The following DCBLD2 variants were observed in gnomAD, a reference collection of about 807,000 sequenced individuals.
DCBLD2 encodes discoidin, CUB and LCCL domain containing 2.
In DCBLD2, 54 loss-of-function variants were observed where a neutral mutation model predicts 86.8. That is an observed-to-expected ratio of 0.62 (90% CI 0.50 to 0.78). The LOEUF (loss-of-function observed/expected upper bound fraction) is 0.78. DCBLD2 is among the 30% of genes least tolerant of loss of function. DCBLD2 has a pLI of 0.00. For synonymous variants in DCBLD2, 354 were observed against 341.3 expected, an observed-to-expected ratio of 1.04 and a Z score of -0.41; for missense variants, 908 against 954.2, an observed-to-expected ratio of 0.95 and a Z score of 0.64.
chr3:98,896,106 A>G (rs1230919422), intron 1 of DCBLD2, among the ~76,000 whole-genome samples: 6 of 152,358 alleles, frequency 3.9e-5, no homozygotes, highest in Middle Eastern at 3.4e-3. Context: ...GCAGCAAATC[A>G]AAGTTTTTCT....
rs373537370 is a variant in DCBLD2, at chr3:98,901,240, C to A, written c.87G>T (p.Ala29=). ...RAAAAAPAWA[A]LPLSRSLPPC... is the part of the protein sequence containing the mutation. The stretch of plus-strand genomic sequence containing the variant: ...GAGGGAGGGAGCGGGAGAGGGGGAG[C>A]GCGGCCCAGGCGGGGGCGGCGGCCG... The change falls in exon 1 of 16, where the codon GCG becomes GCT. Residue 29 remains alanine (A), a synonymous_variant. Transcript: ENST00000326840. 1.0e-3 allele frequency: 1,578 copies of A among 1,534,486 alleles called. 8 individuals carry two copies. The highest frequency in any genetic ancestry group is 7.3e-3 in the African/African-American group (532 of 73,084).
At chr3:98,833,468 T>C (rs1180968761) in intron 3 of DCBLD2, among the ~76,000 whole-genome samples, 3 of 152,230 alleles carry the variant, frequency 2.0e-5, no homozygotes, top group Non-Finnish European at 2.9e-5. Flanking sequence ...AGAACCCTCA[T>C]TGGTGAACTA....
At chr3:98,838,373 C>G (rs1297500872) in intron 3 of DCBLD2, among the ~76,000 whole-genome samples, 1 of 83,726 alleles carries the variant, frequency 1.2e-5, no homozygotes, top group African/African-American at 4.5e-5. Flanking sequence ...CAGACGGGGT[C>G]TCGGCCGGGC....
chr3:98,884,275 C>A (rs1382503832), intron 1 of DCBLD2, among the ~76,000 whole-genome samples: 1 of 151,846 alleles, frequency 6.6e-6, no homozygotes, highest in Non-Finnish European at 1.5e-5. Flanking sequence ...TCATTTCATA[C>A]ACAAGAACTA....
At chr3:98,845,988 TC>T (rs1180646765) in intron 3 of DCBLD2, among the ~76,000 whole-genome samples, 7 of 152,240 alleles carry the variant, frequency 4.6e-5, no homozygotes, top group African/African-American at 1.7e-4. Context: ...ATACTTTATT[TC>T]ATAGTTGCAA....
chr3:98,866,714 G>A (rs2107506310), intron 2 of DCBLD2, among the ~76,000 whole-genome samples: 1 of 152,250 alleles, frequency 6.6e-6, no homozygotes, highest in African/African-American at 2.4e-5. Flanking sequence ...AGTTTAATTA[G>A]ATCCCATTTG....
In DCBLD2 at chr3:98,894,930, C is replaced by T. The variant is rs571056298; in HGVS notation, c.205+6192G>A. On this transcript the variant is annotated intron_variant, in intron 1 of 15. Coordinates refer to ENST00000326840, the MANE Select transcript of DCBLD2 (RefSeq NM_080927.4). ...AGAATACAGTGTGGAATGTATTATC[C>T]GGAGATGAGTGTGTGGGGACTGTTC... 7.2e-5 allele frequency among the ~76,000 whole-genome samples: 11 copies of T among 151,890 alleles called. No individual in the cohort carries two copies. In the South Asian group the frequency reaches 1.3e-3, roughly 17 times the overall value.
At chr3:98,857,071 G>A (rs918563652) in intron 2 of DCBLD2, among the ~76,000 whole-genome samples, 6 of 152,256 alleles carry the variant, frequency 3.9e-5, no homozygotes, top group South Asian at 2.1e-4. Flanking sequence ...TCTGATGTTC[G>A]GATGTGTTTG....
rs1211456067 is a variant in DCBLD2 at position 98,799,869 on chromosome 3, G to A, written c.1859-28C>T. On this transcript the variant is annotated intron_variant, in intron 15 of 15. Coordinates refer to ENST00000326840, the MANE Select transcript of DCBLD2 (RefSeq NM_080927.4). ...GTGGATATCACAAAACAACAGAAAA[G>A]TCATTTTACTAGTAAAGAGATTGCA... is the stretch of plus-strand genomic sequence containing the variant. 5.2e-6 allele frequency: 8 copies of A among 1,549,326 alleles called. No homozygotes were observed. In the South Asian group the frequency reaches 7.4e-5, roughly 14 times the overall value.
intron 2 of DCBLD2, among the ~76,000 whole-genome samples, chr3:98,863,178 C>G (rs1943077900): frequency 6.6e-6 from 1 of 152,116 alleles, no homozygotes; most frequent in Non-Finnish European, 1.5e-5. Context: ...TGTGAAGGAC[C>G]TCTTCAAAGA....
At chr3:98,824,118 G>A (rs769807409) in intron 4 of DCBLD2, among the ~76,000 whole-genome samples, 14 of 152,172 alleles carry the variant, frequency 9.2e-5, no homozygotes, top group Non-Finnish European at 1.8e-4. Context: ...CTGGACAGAC[G>A]GGCAGGTAAT....
chr3:98,822,668 C>CAGT lies in DCBLD2; in HGVS notation c.696_696+1insACT (p.Asp232_Ser233insThr). ...TTCAAATAAGTTTATATCTGGCTTA[C>CAGT]ATCTCTATATCCATGAGGAATTGTT... On this transcript the variant is annotated inframe_insertion and splice_region_variant. Coordinates refer to ENST00000326840, the MANE Select transcript of DCBLD2 (RefSeq NM_080927.4). The CAGT allele has an allele frequency of 1.9e-6, 3 of 1,579,790 alleles. No individual in the cohort carries two copies. The highest frequency in any genetic ancestry group is 2.6e-6 in the Non-Finnish European group (3 of 1,162,914).
chr3:98,886,808 C>CCCG (rs1414468381), intron 1 of DCBLD2, among the ~76,000 whole-genome samples: 2 of 125,274 alleles, frequency 1.6e-5, no homozygotes, highest in Non-Finnish European at 3.4e-5. Context: ...AAACCCCCCC[C>CCCG]CTTTTTTTTT....
At chr3:98,828,012 A>G (rs1186709757) in intron 3 of DCBLD2, among the ~76,000 whole-genome samples, 1 of 152,230 alleles carries the variant, frequency 6.6e-6, no homozygotes. Flanking sequence ...TGCTGAGACA[A>G]CTGGATATCC....
At chr3:98,829,322 T>G (rs1348721389) in intron 3 of DCBLD2, among the ~76,000 whole-genome samples, 2 of 152,074 alleles carry the variant, frequency 1.3e-5, no homozygotes, top group African/African-American at 4.8e-5. Flanking sequence ...CAAGGGTATA[T>G]GCGCAGGATT....
chr3:98,851,985 G>C (rs775731227), intron 2 of DCBLD2, among the ~76,000 whole-genome samples: 1 of 152,122 alleles, frequency 6.6e-6, no homozygotes, highest in Admixed American at 6.5e-5. Flanking sequence ...AAAAAACCTA[G>C]AAAACCTAGG....
intron 5 of DCBLD2, 118 bp from the exon 6 acceptor site, chr3:98,822,479 A>C (rs1403249481): frequency 3.7e-6 from 5 of 1,351,290 alleles, no homozygotes; most frequent in Non-Finnish European, 5.0e-6. Context: ...AACTTCATAA[A>C]CAAAAATAGA....
At chr3:98,881,397 A>T in intron 2 of DCBLD2, 143 bp downstream of exon 2, 1 of 724,994 alleles carries the variant, frequency 1.4e-6, no homozygotes, top group South Asian at 1.9e-5. Context: ...TTCCCAAAAG[A>T]TTCAAATTCA....
intron 3 of DCBLD2, among the ~76,000 whole-genome samples, chr3:98,825,679 A>ATATATATATATATATT (rs1942207125): frequency 7.4e-6 from 1 of 135,250 alleles, no homozygotes; most frequent in African/African-American, 2.7e-5. Flanking sequence ...ATATATATAT[A>ATATATATATATATATT]TTTAGAACAT....
Sources: gnomAD v4.1 joint callset for allele counts (sites outside exome capture counted in the v4.1 genomes callset) on GRCh38, gnomAD v4.1.1 for gene constraint, MANE v1.5 for transcripts, NCBI Gene and HGNC (gene_info 2026-07-23, HGNC 2026-07-21) for gene names.